Variants in CSMD1 observed in about 807,000 individuals in gnomAD.
CSMD1 encodes the protein CUB and Sushi multiple domains 1, also known as CUB and sushi domain-containing protein 1.
A neutral mutation model predicts 417.5 loss-of-function variants in CSMD1; 213 were observed. That is an observed-to-expected ratio of 0.51 (90% CI 0.46 to 0.57). The LOEUF (loss-of-function observed/expected upper bound fraction) is 0.57. Ranked by LOEUF, CSMD1 falls within the 20% of genes least tolerant of loss-of-function variation. CSMD1 has a pLI of 0.00. For synonymous variants in CSMD1, 2,862 were observed against 1,736.8 expected, an observed-to-expected ratio of 1.65 and a Z score of -16.11; for missense variants, 6,923 against 4,529.7, an observed-to-expected ratio of 1.53 and a Z score of -15.17.
intron 3 of CSMD1, among the ~76,000 whole-genome samples, chr8:4,100,802 T>C (rs1286765537): frequency 1.3e-5 from 2 of 151,888 alleles, no homozygotes; most frequent in East Asian, 1.9e-4. Context: ...TGCCAAAAAA[T>C]AAAAAGTTAA....
intron 3 of CSMD1, among the ~76,000 whole-genome samples, chr8:4,400,780 T>C (rs1421306241): frequency 6.6e-6 from 1 of 151,358 alleles, no homozygotes; most frequent in Non-Finnish European, 1.5e-5. Flanking sequence ...TTTTTTTCCT[T>C]TTTAAAAAAC....
chr8:3,509,766 G>A (rs915908856), intron 10 of CSMD1, among the ~76,000 whole-genome samples: 1 of 152,234 alleles, frequency 6.6e-6, no homozygotes, highest in South Asian at 2.1e-4. Context: ...AATCCAAGGG[G>A]TCTGCTTGAT....
chr8:4,742,308 G>A (rs966458100), intron 1 of CSMD1, among the ~76,000 whole-genome samples: 1 of 151,670 alleles, frequency 6.6e-6, no homozygotes, highest in African/African-American at 2.4e-5. Context: ...GAGATTATAG[G>A]CATGAGCCAC....
chr8:3,968,512 G>A (rs909791489), intron 5 of CSMD1, among the ~76,000 whole-genome samples: 2 of 151,412 alleles, frequency 1.3e-5, no homozygotes, highest in African/African-American at 2.4e-5. Flanking sequence ...ACTTAATAAA[G>A]CAACATACTG....
intron 3 of CSMD1, among the ~76,000 whole-genome samples, chr8:4,142,468 C>G (rs1379367642): frequency 6.6e-6 from 1 of 151,322 alleles, no homozygotes; most frequent in African/African-American, 2.5e-5. Context: ...GAATAATCTA[C>G]CTTGTTATTT....
At chr8:4,028,059 G>A (rs1797154623) in intron 4 of CSMD1, among the ~76,000 whole-genome samples, 1 of 152,012 alleles carries the variant, frequency 6.6e-6, no homozygotes, top group Admixed American at 6.6e-5. Flanking sequence ...GGCCACCACT[G>A]TTTTGACAAC....
intron 1 of CSMD1, among the ~76,000 whole-genome samples, chr8:4,841,930 A>AAAAAAAAAAAAAAAAAAAAAAAAC (rs1192383183): frequency 1.6e-5 from 2 of 122,426 alleles, no homozygotes; most frequent in East Asian, 2.8e-4. Context: ...AAAAAAAAAA[A>AAAAAAAAAAAAAAAAAAAAAAAAC]AAAAAAAAGT....
At chr8:3,405,446 C>G (rs1812288118) in intron 15 of CSMD1, among the ~76,000 whole-genome samples, 1 of 152,058 alleles carries the variant, frequency 6.6e-6, no homozygotes, top group Admixed American at 6.6e-5. Context: ...TCGGCTGTAA[C>G]AAGAACAACA....
intron 7 of CSMD1, among the ~76,000 whole-genome samples, chr8:3,640,969 A>G (rs1476134116): frequency 2.6e-5 from 4 of 151,754 alleles, no homozygotes; most frequent in African/African-American, 4.8e-5. Flanking sequence ...TATGTTAAAT[A>G]AGCTTTAGAA....
At chr8:3,569,243 T>C (rs1209352216) in intron 10 of CSMD1, among the ~76,000 whole-genome samples, 1 of 152,198 alleles carries the variant, frequency 6.6e-6, no homozygotes, top group East Asian at 1.9e-4. Context: ...ACGATAGATA[T>C]TTCGTGTTCC....
rs188268974 is a variant in CSMD1 at position 3,989,088 on chromosome 8, C to G, written c.818+8815G>C. Reference sequence around the variant, plus strand: ...ATCTGAACTCTCTATGGCACTGTTTCTTACAGCAGTAAACGTGCAGCTAGT... The same window carrying G: ...ATCTGAACTCTCTATGGCACTGTTTGTTACAGCAGTAAACGTGCAGCTAGT... On this transcript the variant is annotated intron_variant, in intron 5 of 69. Coordinates refer to ENST00000635120, the MANE Select transcript of CSMD1 (RefSeq NM_033225.6). 2.0e-3 allele frequency among the ~76,000 whole-genome samples: 310 copies of G among 152,274 alleles called. 1 individual carries two copies. The highest frequency in any genetic ancestry group is 6.8e-3 in the Middle Eastern group (2 of 294).
At chr8:3,186,785 A>T (rs1215545077) in intron 36 of CSMD1, among the ~76,000 whole-genome samples, 1 of 152,266 alleles carries the variant, frequency 6.6e-6, no homozygotes, top group Non-Finnish European at 1.5e-5. Context: ...GAAGGGACTC[A>T]TGGAAAACAG....
At chr8:3,256,544 G>A (rs145340814) in intron 26 of CSMD1, among the ~76,000 whole-genome samples, 11 of 152,200 alleles carry the variant, frequency 7.2e-5, no homozygotes, top group African/African-American at 1.7e-4. Context: ...CACTAAAAAA[G>A]CTATAATCTT....
chr8:4,945,554 T>C (rs1308488104), intron 1 of CSMD1, among the ~76,000 whole-genome samples: 4 of 150,570 alleles, frequency 2.7e-5, no homozygotes, highest in Non-Finnish European at 4.4e-5. Flanking sequence ...TCAGTAAAAA[T>C]GCTTTAAAAA....
chr8:3,560,393 T>C lies in CSMD1; in HGVS notation c.1344+14552A>G, dbSNP rs574892516. Among the ~76,000 whole-genome samples the C allele has an allele frequency of 2.6e-5, 4 of 152,272 alleles. No homozygotes were observed. The South Asian group carries it at 8.3e-4, about 32-fold the overall frequency. ...ATGAGGACATTGAGAGTCAAGAATTTCAGTGTCTTTTCTAAGATGAAATAG... is the reference window on the plus strand; with the variant it reads ...ATGAGGACATTGAGAGTCAAGAATTCCAGTGTCTTTTCTAAGATGAAATAG... On this transcript the variant is annotated intron_variant, in intron 10 of 69. Coordinates refer to ENST00000635120, the MANE Select transcript of CSMD1 (RefSeq NM_033225.6).
intron 1 of CSMD1, among the ~76,000 whole-genome samples, chr8:4,899,666 T>C (rs1804737978): frequency 6.6e-6 from 1 of 152,224 alleles, no homozygotes; most frequent in Non-Finnish European, 1.5e-5. Flanking sequence ...AAGATGACCA[T>C]GTCTTGAACA....
intron 3 of CSMD1, among the ~76,000 whole-genome samples, chr8:4,417,860 C>T (rs1446644462): frequency 2.0e-5 from 3 of 151,856 alleles, no homozygotes; most frequent in Admixed American, 6.6e-5. Context: ...TGACCTTTTC[C>T]CATGACATTT....
intron 3 of CSMD1, among the ~76,000 whole-genome samples, chr8:4,196,107 A>C (rs1013480633): frequency 9.9e-5 from 15 of 152,074 alleles, no homozygotes; most frequent in Non-Finnish European, 1.8e-4. Context: ...GCTGCTGGGG[A>C]GACTGAGGCA....
At chr8:4,033,155 AC>A (rs1400884086) in intron 3 of CSMD1, among the ~76,000 whole-genome samples, 1 of 143,338 alleles carries the variant, frequency 7.0e-6, no homozygotes, top group African/African-American at 2.5e-5. Context: ...AAAAAAAAAA[AC>A]CTGGCCAGGC....
Sources: gnomAD v4.1 joint callset for allele counts (sites outside exome capture counted in the v4.1 genomes callset) on GRCh38, gnomAD v4.1.1 for gene constraint, MANE v1.5 for transcripts, NCBI Gene and HGNC (gene_info 2026-07-23, HGNC 2026-07-21) for gene names.